The following SUN5 variants were observed in gnomAD, a reference collection of about 807,000 sequenced individuals.
SUN5 encodes SUN domain-containing protein 5.
SUN5 carries 44 observed loss-of-function variants against 53.7 expected under a neutral mutation model. That is an observed-to-expected ratio of 0.82 (90% confidence interval 0.64 to 1.05). The LOEUF is 1.05. Among genes scored for constraint, SUN5 ranks in the 50% least tolerant of loss-of-function variants. The pLI is 0.00. For missense variants in SUN5, 433 were observed against 483.8 expected, an observed-to-expected ratio of 0.90 and a Z score of 0.98; for synonymous variants, 166 against 179.8, an observed-to-expected ratio of 0.92 and a Z score of 0.62.
rs1346298795 is a variant in SUN5, at chr20:32,996,222, G to A, written c.425+102C>T. The A allele has an allele frequency of 5.0e-6, 6 of 1,212,036 alleles. No homozygotes were observed. The Admixed American group carries it at 6.0e-5, about 12-fold the overall frequency. The allele number at this position is 1,212,036 out of a possible 1,614,324, so 75.1% of individuals were successfully genotyped here. A position where few individuals can be genotyped will look rare whatever the true frequency, so the allele number is the denominator to read the frequency against. On this transcript the variant is annotated intron_variant, in intron 7 of 12. Transcript: ENST00000356173. ...GGGAGTTAGGATTTAAACCCAGGTT[G>A]ATCTGACTGCAGAGCCTATATTTGT...
intron 10 of SUN5, 29 bp downstream of exon 10, chr20:32,987,631 G>A (rs1161636166): frequency 1.7e-5 from 24 of 1,427,246 alleles, no homozygotes; most frequent in South Asian, 4.9e-5. Context: ...CTCCCCTGCC[G>A]CTGTCCCATC....
At chr20:32,989,593 C>T (rs751685471) in intron 9 of SUN5, 27 bp downstream of exon 9, 1 of 1,607,918 alleles carries the variant, frequency 6.2e-7, no homozygotes, top group Non-Finnish European at 8.5e-7. Flanking sequence ...TTGAGGCAGT[C>T]AGATGGTGGG....
chr20:32,986,440 T>C (rs6087437), intron 10 of SUN5, among the ~76,000 whole-genome samples: 78,427 of 151,886 alleles, frequency 0.52, 20,932 homozygotes, highest in Middle Eastern at 0.6. Flanking sequence ...AGAGGTTTGA[T>C]GGAAATCACC....
intron 6 of SUN5, among the ~76,000 whole-genome samples, chr20:32,996,835 T>G (rs1302965071): frequency 1.3e-5 from 2 of 152,124 alleles, no homozygotes; most frequent in African/African-American, 4.8e-5. Flanking sequence ...CCTACATCCA[T>G]CAAATCCAAC....
intron 9 of SUN5, 115 bp from the exon 10 acceptor site, chr20:32,987,890 C>T (rs1047464797): frequency 1.7e-5 from 12 of 691,996 alleles, no homozygotes; most frequent in Non-Finnish European, 2.8e-5. Context: ...GTCACTGGCC[C>T]TGTTCTCCTC....
At chr20:33,001,714 G>A (rs1600503611) in intron 3 of SUN5, among the ~76,000 whole-genome samples, 2 of 117,216 alleles carry the variant, frequency 1.7e-5, no homozygotes, top group South Asian at 6.3e-4. Context: ...TGTCACCCAG[G>A]CTGGAGTGCA....
At chr20:32,991,243 C>T (rs1989704105) in intron 8 of SUN5, among the ~76,000 whole-genome samples, 2 of 152,200 alleles carry the variant, frequency 1.3e-5, no homozygotes, top group South Asian at 4.1e-4. Flanking sequence ...GATCCCCGAT[C>T]CTGGATCCCC....
At chr20:32,987,874 G>T in intron 9 of SUN5, 99 bp from the exon 10 acceptor site, 1 of 866,020 alleles carries the variant, frequency 1.2e-6, no homozygotes, top group South Asian at 1.6e-5. Context: ...CGAGCATTTT[G>T]GATGAGTCAC....
At chr20:32,995,570 T>A in intron 8 of SUN5, 49 bp downstream of exon 8, 1 of 1,528,328 alleles carries the variant, frequency 6.5e-7, no homozygotes, top group Non-Finnish European at 9.1e-7. Flanking sequence ...AAACAGGACA[T>A]CAAACAAAGA....
chr20:32,995,487 T>C (rs561701602), intron 8 of SUN5, 132 bp downstream of exon 8: 16 of 701,620 alleles, frequency 2.3e-5, no homozygotes, highest in Middle Eastern at 2.5e-4. Context: ...TTCACTGTAT[T>C]CCTGAAAGTC....
At position 33,002,903 on chromosome 20, in the gene SUN5, G is replaced by A. The variant is rs780457500; in HGVS notation, c.94C>T (p.Arg32Trp). 1.6e-5 allele frequency: 26 copies of A among 1,614,158 alleles called. 1 individual carries two copies. The highest frequency in any genetic ancestry group is 1.7e-4 in the Middle Eastern group (1 of 6,030). The change falls in exon 2 of 13, where the codon CGG becomes TGG. Residue 32 changes from arginine (R) to tryptophan (W), a missense_variant. Transcript: ENST00000356173. The stretch of plus-strand genomic sequence containing the variant: ...TCCTCTGCCATCCTGCTGGTGTTCC[G>A]GCCTCGCTGGGCAATCCTGGGGATG... The part of the protein sequence containing the change: ...PRPRRIAQRG[R>W]NTSRMAEDTS...
rs910419461 is a variant in SUN5 at position 33,004,112 on chromosome 20, CTTTGGGAA to C, written c.77+144_77+151del. The C allele has an allele frequency of 3.4e-5, 26 of 770,788 alleles. No homozygotes were observed. The African/African-American group carries it at 4.7e-4, about 14-fold the overall frequency. 47.7% of individuals were successfully genotyped at this position (770,788 alleles called of 1,614,324 possible). On this transcript the variant is annotated intron_variant, in intron 1 of 12. Coordinates refer to ENST00000356173, the MANE Select transcript of SUN5 (RefSeq NM_080675.4). ...GCTTCACCACTTCCTGGCTGGGAGA[CTTTGGGAA>C]TACCACTGCCAAACCTCTCTGGTCT...
chr20:32,991,275 G>A (rs1989705591), intron 8 of SUN5, among the ~76,000 whole-genome samples: 1 of 152,228 alleles, frequency 6.6e-6, no homozygotes, highest in South Asian at 2.1e-4. Flanking sequence ...GGCACTTAAT[G>A]ATTGCACATT....
intron 5 of SUN5, among the ~76,000 whole-genome samples, chr20:32,998,175 CAAAAAAAA>C (rs35729664): frequency 5.7e-4 from 34 of 59,732 alleles, no homozygotes; most frequent in African/African-American, 1.8e-3. Context: ...CCCATCTCTA[CAAAAAAAA>C]AAAAAAAAAA....
chr20:33,001,710 C>T (rs1250141190), intron 3 of SUN5, among the ~76,000 whole-genome samples: 1 of 126,992 alleles, frequency 7.9e-6, no homozygotes, highest in Non-Finnish European at 1.6e-5. Flanking sequence ...ACTCTGTCAC[C>T]CAGGCTGGAG....
chr20:32,985,366 TG>T lies in SUN5; in HGVS notation c.898-182del, dbSNP rs373904764. ...GAGCACTGGCCTGGGAGTCAGAGCC[TG>T]GGGGTCTATGACTAGCTCTGCCATT... On this transcript the variant is annotated intron_variant, in intron 11 of 12. Transcript: ENST00000356173. Among the ~76,000 whole-genome samples the T allele has an allele frequency of 5.7e-4, 87 of 152,174 alleles. 1 individual carries two copies. Among genetic ancestry groups the T allele is most frequent in the African/African-American group, 2.0e-3 (83 of 41,518 alleles).
At chr20:32,985,291 C>A in intron 11 of SUN5, 106 bp from the exon 12 acceptor site, 1 of 1,005,372 alleles carries the variant, frequency 9.9e-7, no homozygotes, top group East Asian at 2.4e-5. Flanking sequence ...TGGGAGCTCA[C>A]TACCTCTTTG....
At chr20:32,988,524 G>T (rs1012497683) in intron 9 of SUN5, among the ~76,000 whole-genome samples, 2 of 152,104 alleles carry the variant, frequency 1.3e-5, no homozygotes, top group Admixed American at 6.5e-5. Flanking sequence ...CTCTGCCCAG[G>T]TCCCCTCCCT....
chr20:32,991,758 A>G (rs571049241), intron 8 of SUN5, among the ~76,000 whole-genome samples: 45 of 152,338 alleles, frequency 3.0e-4, no homozygotes, highest in Admixed American at 6.5e-4. Context: ...ATCTTGCACA[A>G]TGGAATTTAT....
Sources: gnomAD v4.1 joint callset for allele counts (sites outside exome capture counted in the v4.1 genomes callset) on GRCh38, gnomAD v4.1.1 for gene constraint, MANE v1.5 for transcripts, NCBI Gene and HGNC (gene_info 2026-07-23, HGNC 2026-07-21) for gene names.